Variants in SLIT2 observed in about 807,000 individuals in gnomAD.
SLIT2 encodes the protein slit homolog 2 protein.
A neutral mutation model predicts 185.7 loss-of-function variants in SLIT2; 41 were observed. The observed-to-expected ratio is 0.22, with a 90% CI of 0.17 to 0.29. The LOEUF is 0.29. SLIT2 is among the 10% of genes least tolerant of loss of function. SLIT2 has a pLI of 1.00. For synonymous variants in SLIT2, 693 were observed against 680.2 expected (o/e 1.02, Z -0.29); for missense variants, 1,571 against 1,909.0 (o/e 0.82, Z 3.30).
At chr4:20,289,061 G>T (rs1330334087) in intron 4 of SLIT2, among the ~76,000 whole-genome samples, 2 of 152,202 alleles carry the variant, frequency 1.3e-5, no homozygotes, top group East Asian at 3.8e-4. Flanking sequence ...AGTGAATCAG[G>T]TCAGGACTCT....
In SLIT2 at chr4:20,523,873, C is replaced by A; in HGVS notation, c.1244C>A (p.Thr415Asn). 6.2e-7 allele frequency: 1 copy of A among 1,614,084 alleles called. No individual in the cohort carries two copies. The highest frequency in any genetic ancestry group is 8.5e-7 in the Non-Finnish European group (1 of 1,179,976). The change falls in exon 13 of 37, where the codon ACC becomes AAC. Residue 415 changes from threonine (T) to asparagine (N), a missense_variant. Thr to Asn is a moderately conservative substitution (Grantham distance 65). Transcript: ENST00000504154. ...AAGCTTCAGACCATCGCCAAGGGGA[C>A]CTTTTCACCTCTTCGGGCCATTCAA... The part of the protein sequence containing the change: ...DNKLQTIAKG[T>N]FSPLRAIQTM...
intron 4 of SLIT2, among the ~76,000 whole-genome samples, chr4:20,430,639 G>A (rs564856336): frequency 6.6e-6 from 1 of 152,162 alleles, no homozygotes; most frequent in Admixed American, 6.5e-5. Flanking sequence ...TATGTATCCT[G>A]TTGTATAAAA....
chr4:20,374,964 C>T (rs183000312), intron 4 of SLIT2, among the ~76,000 whole-genome samples: 1 of 152,140 alleles, frequency 6.6e-6, no homozygotes, highest in African/African-American at 2.4e-5. Context: ...TGTTGTTTAG[C>T]CTTTTTTATT....
rs141894107 is a variant in SLIT2 at position 20,485,726 on chromosome 4, C to G, written c.540-474C>G. ...GCGGTAAATAATAGTTATCAGGACT[C>G]TGTTCCAAAGCCTGACACGAATGAT... On this transcript the variant is annotated intron_variant, in intron 6 of 36. Coordinates refer to ENST00000504154, the MANE Select transcript of SLIT2 (RefSeq NM_004787.4). Among the ~76,000 whole-genome samples, 534 of 152,306 alleles carry G rather than the reference C, an allele frequency of 3.5e-3. 5 individuals are homozygous for G. Among genetic ancestry groups the G allele is most frequent in the Middle Eastern group, 6.8e-3 (2 of 294 alleles).
At chr4:20,463,472 T>G (rs1396838599) in intron 4 of SLIT2, among the ~76,000 whole-genome samples, 6 of 115,696 alleles carry the variant, frequency 5.2e-5, no homozygotes, top group East Asian at 2.4e-4. Context: ...TATATATATA[T>G]ATATATATAT....
chr4:20,550,713 C>T (rs1577908967), intron 24 of SLIT2, 114 bp from the exon 25 acceptor site: 4 of 526,602 alleles, frequency 7.6e-6, no homozygotes, highest in Non-Finnish European at 6.5e-6. Context: ...TTTTATAGAC[C>T]GTCTTTTCTG....
At chr4:20,291,330 A>G (rs1360588074) in intron 4 of SLIT2, among the ~76,000 whole-genome samples, 1 of 151,100 alleles carries the variant, frequency 6.6e-6, no homozygotes, top group African/African-American at 2.4e-5. Flanking sequence ...TAGTGATCTT[A>G]TCACTGGATT....
chr4:20,312,569 C>T (rs534633350), intron 4 of SLIT2, among the ~76,000 whole-genome samples: 4 of 151,546 alleles, frequency 2.6e-5, no homozygotes, highest in South Asian at 2.1e-4. Context: ...GTCAGAAGAT[C>T]GAGACCATCC....
intron 4 of SLIT2, among the ~76,000 whole-genome samples, chr4:20,269,753 T>A (rs1236163635): frequency 6.6e-6 from 1 of 151,960 alleles, no homozygotes; most frequent in Non-Finnish European, 1.5e-5. Context: ...GTACTGTTTG[T>A]AGAGAAAGTG....
At chr4:20,472,250 ATATAGATC>A (rs1433815686) in intron 5 of SLIT2, among the ~76,000 whole-genome samples, 1 of 43,952 alleles carries the variant, frequency 2.3e-5, no homozygotes, top group East Asian at 1.1e-3. Flanking sequence ...ATATATCTAT[ATATAGATC>A]TATATATAGA....
intron 4 of SLIT2, among the ~76,000 whole-genome samples, chr4:20,296,453 A>G (rs374541808): frequency 6.6e-6 from 1 of 152,202 alleles, no homozygotes; most frequent in Non-Finnish European, 1.5e-5. Context: ...AAAAATTCTA[A>G]TTACAGCAAT....
chr4:20,481,516 G>T (rs1453451061), intron 6 of SLIT2, among the ~76,000 whole-genome samples: 3 of 152,026 alleles, frequency 2.0e-5, no homozygotes, highest in Non-Finnish European at 4.4e-5. Context: ...ATTCACATTT[G>T]TAGGTTTTTT....
chr4:20,446,537 C>A (rs1229038218), intron 4 of SLIT2, among the ~76,000 whole-genome samples: 4 of 152,196 alleles, frequency 2.6e-5, no homozygotes, highest in Non-Finnish European at 5.9e-5. Flanking sequence ...TTGAGACTAA[C>A]TTTTCAGATG....
chr4:20,544,748 A>G (rs1002663932), intron 21 of SLIT2, among the ~76,000 whole-genome samples: 2 of 152,168 alleles, frequency 1.3e-5, no homozygotes, highest in African/African-American at 2.4e-5. Flanking sequence ...ATTTTTAATC[A>G]GTTCCATATA....
chr4:20,456,188 G>C (rs1195384618), intron 4 of SLIT2, among the ~76,000 whole-genome samples: 1 of 71,096 alleles, frequency 1.4e-5, no homozygotes, highest in Non-Finnish European at 2.8e-5. Flanking sequence ...GTGAATGAAG[G>C]GTCCTCTTAA....
At chr4:20,602,266 A>T (rs1237290454) in intron 33 of SLIT2, among the ~76,000 whole-genome samples, 1 of 152,186 alleles carries the variant, frequency 6.6e-6, no homozygotes, top group Non-Finnish European at 1.5e-5. Context: ...CTTTAAATTC[A>T]AATTAATGTC....
chr4:20,557,005 C>T (rs1724317405), intron 26 of SLIT2, among the ~76,000 whole-genome samples: 2 of 152,084 alleles, frequency 1.3e-5, no homozygotes, highest in South Asian at 2.1e-4. Context: ...AAAGCAAGGC[C>T]CCAACTCTCT....
intron 4 of SLIT2, among the ~76,000 whole-genome samples, chr4:20,420,081 T>C (rs1298654579): frequency 6.6e-6 from 1 of 152,170 alleles, no homozygotes; most frequent in Non-Finnish European, 1.5e-5. Context: ...GTCTCTAATA[T>C]CCAAATCATT....
At chr4:20,541,710 A>G (rs1300345507) in intron 20 of SLIT2, 91 bp downstream of exon 20, 35 of 1,118,114 alleles carry the variant, frequency 3.1e-5, no homozygotes, top group Non-Finnish European at 5.2e-6. Context: ...AGTTCAGCTC[A>G]GCAAATAATG....
Sources: allele counts gnomAD v4.1 joint callset (sites outside exome capture counted in the v4.1 genomes callset), GRCh38; gene constraint gnomAD v4.1.1; transcripts MANE v1.5; gene names NCBI Gene and HGNC (gene_info 2026-07-23, HGNC 2026-07-21).